Variants in FRMD4A observed in about 807,000 individuals in gnomAD.
The protein encoded by FRMD4A is FERM domain containing 4A, also known as FERM domain-containing protein 4A.
FRMD4A carries 29 observed loss-of-function variants against 129.1 expected under a neutral mutation model. That is an observed-to-expected ratio of 0.22 (90% CI 0.17 to 0.31). FRMD4A has a LOEUF of 0.31. Among genes scored for constraint, FRMD4A ranks in the 10% least tolerant of loss-of-function variants. FRMD4A has a pLI of 1.00. For missense variants in FRMD4A, 1,272 were observed against 1,375.8 expected (o/e 0.92, Z 1.19); for synonymous variants, 634 against 571.6 (o/e 1.11, Z -1.56).
chr10:14,197,832 A>G (rs1233116118), intron 2 of FRMD4A, among the ~76,000 whole-genome samples: 3 of 152,264 alleles, frequency 2.0e-5, no homozygotes, highest in African/African-American at 7.2e-5. Flanking sequence ...AAGTGAGCAC[A>G]TCATCTATGC....
Position 14,008,754 on chromosome 10 carries a change from C to T in FRMD4A, c.46-149842G>A, listed in dbSNP as rs570462650. ...ATATCTGAAGACCACAGACAGAACA[C>T]ATCAGGGACCTCTTTGAAATCATAA... On this transcript the variant is annotated intron_variant, in intron 2 of 24. Coordinates refer to ENST00000357447, the MANE Select transcript of FRMD4A (RefSeq NM_018027.5). 2.0e-3 allele frequency among the ~76,000 whole-genome samples: 312 copies of T among 152,296 alleles called. 2 individuals carry two copies. Among genetic ancestry groups the T allele is most frequent in the African/African-American group, 7.0e-3 (291 of 41,576 alleles).
chr10:13,978,509 A>T (rs1319489104), intron 2 of FRMD4A, among the ~76,000 whole-genome samples: 1 of 148,676 alleles, frequency 6.7e-6, no homozygotes, highest in Non-Finnish European at 1.5e-5. Flanking sequence ...ACTTCCTTGG[A>T]AAAAAAAATG....
intron 17 of FRMD4A, among the ~76,000 whole-genome samples, chr10:13,666,900 T>G (rs1589273052): frequency 7.4e-6 from 1 of 135,570 alleles, no homozygotes; most frequent in East Asian, 2.0e-4. Flanking sequence ...CGGGAGCTTT[T>G]CTTTTCTTTT....
intron 7 of FRMD4A, among the ~76,000 whole-genome samples, chr10:13,762,139 T>C (rs953530861): frequency 3.3e-5 from 5 of 152,216 alleles, no homozygotes; most frequent in South Asian, 4.1e-4. Flanking sequence ...TAAATACTTA[T>C]TGAAGGAATA....
intron 3 of FRMD4A, among the ~76,000 whole-genome samples, chr10:13,845,070 C>T (rs1588997670): frequency 6.6e-6 from 1 of 152,114 alleles, no homozygotes; most frequent in Non-Finnish European, 1.5e-5. Context: ...TAATATAAAG[C>T]CTTAAGGATG....
At chr10:13,851,204 A>C (rs2094135591) in intron 3 of FRMD4A, among the ~76,000 whole-genome samples, 2 of 152,250 alleles carry the variant, frequency 1.3e-5, no homozygotes, top group African/African-American at 4.8e-5. Flanking sequence ...ACAGAGTGAG[A>C]CTTCGTCTCA....
chr10:13,692,891 G>A (rs548163578), intron 15 of FRMD4A: 30 of 151,484 alleles, frequency 2.0e-4, no homozygotes, highest in African/African-American at 7.3e-4. Flanking sequence ...TTTTGAAACA[G>A]GGTCTTGCTC....
chr10:13,656,756 G>C lies in FRMD4A; in HGVS notation c.2833C>G (p.Leu945Val). Residue 945 changes from leucine (L) to valine (V), a missense_variant, in exon 22 of 25, where the codon CTG becomes GTG. By Grantham distance (32) the Leu-to-Val change is conservative. Transcript: ENST00000357447. ...GAGGAGGTGGAGCTGGTGTGCGACA[G>C]GCGGCTGTGCTCCTTGTGCGAGGCG... is the stretch of plus-strand genomic sequence containing the variant. ...STASHKEHSR[L>V]SHTSSTSSDS... 3.1e-6 allele frequency: 5 copies of C among 1,599,420 alleles called. No homozygotes were observed. The highest frequency in any genetic ancestry group is 4.3e-6 in the Non-Finnish European group (5 of 1,174,108).
At chr10:13,804,715 T>TTC (rs1554907442) in intron 4 of FRMD4A, among the ~76,000 whole-genome samples, 1 of 3,664 alleles carries the variant, frequency 2.7e-4, no homozygotes, top group Non-Finnish European at 1.1e-3. Flanking sequence ...CAGCTAATTC[T>TTC]TTTTTTTTTT....
At chr10:14,191,563 A>G (rs751141990) in intron 2 of FRMD4A, among the ~76,000 whole-genome samples, 1 of 152,230 alleles carries the variant, frequency 6.6e-6, no homozygotes, top group East Asian at 1.9e-4. Flanking sequence ...ATGTGACTAC[A>G]CAAGAGAACA....
chr10:14,300,626 A>G (rs1228535381), intron 2 of FRMD4A, among the ~76,000 whole-genome samples: 1 of 152,208 alleles, frequency 6.6e-6, no homozygotes, highest in Non-Finnish European at 1.5e-5. Flanking sequence ...TGAATGAGGA[A>G]GATGAACATT....
At chr10:14,221,823 G>T (rs983460051) in intron 2 of FRMD4A, among the ~76,000 whole-genome samples, 1 of 152,092 alleles carries the variant, frequency 6.6e-6, no homozygotes, top group Non-Finnish European at 1.5e-5. Context: ...CCAAAGTGCT[G>T]GGGTTACAGA....
rs182251934 is a variant in FRMD4A at position 13,679,960 on chromosome 10, C to T, written c.1118-4916G>A. Among the ~76,000 whole-genome samples, 29 of 152,252 alleles carry T rather than the reference C, an allele frequency of 1.9e-4. No individual in the cohort carries two copies. The South Asian group carries it at 3.1e-3, about 16-fold the overall frequency. On this transcript the variant is annotated intron_variant, in intron 15 of 24. Coordinates refer to ENST00000357447, the MANE Select transcript of FRMD4A (RefSeq NM_018027.5). ...CCTCTGATATTGATCTGCTTTCCCA[C>T]GTCCTCCACAAATGCCCACTAGGCA... is the stretch of plus-strand genomic sequence containing the variant.
intron 12 of FRMD4A, chr10:13,707,831 G>T: frequency 2.0e-6 from 2 of 985,292 alleles, no homozygotes; most frequent in Non-Finnish European, 2.4e-6. Flanking sequence ...GGCCAGGGAG[G>T]GTGAGAAGTG....
intron 2 of FRMD4A, among the ~76,000 whole-genome samples, chr10:13,943,172 A>G (rs2095306014): frequency 6.6e-6 from 1 of 152,180 alleles, no homozygotes; most frequent in Non-Finnish European, 1.5e-5. Flanking sequence ...AGAACACAAG[A>G]GGAAACTTAG....
At chr10:13,974,038 TTC>T (rs547816387) in intron 2 of FRMD4A, among the ~76,000 whole-genome samples, 29,641 of 122,584 alleles carry the variant, frequency 0.24, 3,890 homozygotes, top group East Asian at 0.53. Flanking sequence ...TTTTTTTTTT[TTC>T]TTTCTGGGAC....
chr10:13,976,310 A>G (rs2095541875), intron 2 of FRMD4A, among the ~76,000 whole-genome samples: 1 of 152,142 alleles, frequency 6.6e-6, no homozygotes, highest in African/African-American at 2.4e-5. Flanking sequence ...TCAGTGGCTG[A>G]CCTGGGAGGG....
chr10:14,289,002 A>G (rs1286084688), intron 2 of FRMD4A, among the ~76,000 whole-genome samples: 3 of 152,180 alleles, frequency 2.0e-5, no homozygotes, highest in South Asian at 2.1e-4. Flanking sequence ...TGTATATACT[A>G]CATTTTCTTC....
chr10:14,150,314 T>C (rs560483216), intron 2 of FRMD4A, among the ~76,000 whole-genome samples: 3 of 152,194 alleles, frequency 2.0e-5, no homozygotes, highest in African/African-American at 7.2e-5. Flanking sequence ...GTGGACTCCA[T>C]TGGTAAAACA....
Sources: allele counts gnomAD v4.1 joint callset (sites outside exome capture counted in the v4.1 genomes callset), GRCh38; gene constraint gnomAD v4.1.1; transcripts MANE v1.5; gene names NCBI Gene and HGNC (gene_info 2026-07-23, HGNC 2026-07-21).